ITGB6: variants seen among roughly 807,000 people sequenced by gnomAD.
The protein encoded by ITGB6 is integrin subunit beta 6, also known as integrin beta-6.
A neutral mutation model predicts 84.5 loss-of-function variants in ITGB6; 80 were observed. The observed-to-expected ratio is 0.95, with a 90% CI of 0.79 to 1.14. The LOEUF (loss-of-function observed/expected upper bound fraction) is 1.14, where lower values mean the gene tolerates loss of function less well. ITGB6 is among the 50% of genes most tolerant of loss of function. ITGB6 has a pLI of 0.00. For synonymous variants in ITGB6, 383 were observed against 354.9 expected (o/e 1.08, Z -0.89); for missense variants, 1,006 against 968.0 (o/e 1.04, Z -0.52).
Position 160,195,571 on chromosome 2 carries a change from A to T in ITGB6, c.391T>A (p.Tyr131Asn). Residue 131 changes from tyrosine (Y) to asparagine (N), a missense_variant, in exon 4 of 15, where the codon TAC (tyrosine) becomes AAC (asparagine). By Grantham distance (143) the Tyr-to-Asn change is moderately radical. Transcript: ENST00000283249. ...ATGAGGTAATACAAATCCACCGGGTAGTCCTCAGTCTGGCGGACATGCACC... is the reference window on the plus strand; with the variant it reads ...ATGAGGTAATACAAATCCACCGGGTTGTCCTCAGTCTGGCGGACATGCACC... ...LQVHVRQTED[Y>N]PVDLYYLMDL... 6.2e-7 allele frequency: 1 copy of T among 1,614,156 alleles called. No homozygotes were observed. Among genetic ancestry groups the T allele is most frequent in the South Asian group, 1.1e-5 (1 of 91,076 alleles).
chr2:160,135,032 A>G (rs1683645123), intron 10 of ITGB6, among the ~76,000 whole-genome samples: 1 of 152,210 alleles, frequency 6.6e-6, no homozygotes, highest in Non-Finnish European at 1.5e-5. Flanking sequence ...CCTGTTCAAC[A>G]TAGTGTTGGA....
At chr2:160,141,578 A>G (rs1684002160) in intron 8 of ITGB6, among the ~76,000 whole-genome samples, 1 of 152,190 alleles carries the variant, frequency 6.6e-6, no homozygotes, top group South Asian at 2.1e-4. Context: ...TGCTTGAGTT[A>G]TGACCTAGTA....
rs920657730 is a variant in ITGB6, at chr2:160,123,832, T to C, written c.1940A>G (p.Asp647Gly). The part of the protein sequence containing the change: ...AAGQAREECV[D>G]KCKLAGATIS... ...GGTCGCACCAGCTAGTTTGCACTTG[T>C]CCACACATTCTTCTCGGGCTTGGCC... The change falls in exon 12 of 15, where the codon GAC (aspartate) becomes GGC (glycine). Residue 647 changes from aspartate (D) to glycine (G), a missense_variant. Coordinates refer to ENST00000283249, the MANE Select transcript of ITGB6 (RefSeq NM_000888.5). 6 of 1,613,952 alleles carry C rather than the reference T, an allele frequency of 3.7e-6. No homozygotes were observed. The highest frequency in any genetic ancestry group is 1.3e-5 in the African/African-American group (1 of 74,940).
chr2:160,119,726 G>A (rs1185412250), intron 12 of ITGB6, among the ~76,000 whole-genome samples: 1 of 152,180 alleles, frequency 6.6e-6, no homozygotes, highest in African/African-American at 2.4e-5. Flanking sequence ...AGAATGAACA[G>A]GCAACCTACA....
Position 160,137,853 on chromosome 2 carries a change from T to C in ITGB6, c.1243-2A>G. The C allele has an allele frequency of 6.2e-7, 1 of 1,612,078 alleles. No homozygotes were observed. The highest frequency in any genetic ancestry group is 1.3e-5 in the African/African-American group (1 of 74,990). Reference sequence around the variant, plus strand: ...ATTCACAGTCACGCTGAAGGAAGCCTGGAAAAGAAAATACTAATTATCTCC... The same window carrying C: ...ATTCACAGTCACGCTGAAGGAAGCCCGGAAAAGAAAATACTAATTATCTCC... On this transcript the variant is annotated splice_acceptor_variant, in intron 9 of 14. Coordinates refer to ENST00000283249, the MANE Select transcript of ITGB6 (RefSeq NM_000888.5). LOFTEE classifies it high-confidence loss of function.
At chr2:160,108,152 G>A (rs1225076497) in intron 13 of ITGB6, among the ~76,000 whole-genome samples, 1 of 151,446 alleles carries the variant, frequency 6.6e-6, no homozygotes, top group Non-Finnish European at 1.5e-5. Context: ...AAAGGATTAA[G>A]AAAAAGACTA....
intron 7 of ITGB6, among the ~76,000 whole-genome samples, chr2:160,152,162 C>G (rs534010530): frequency 6.6e-6 from 1 of 152,260 alleles, no homozygotes; most frequent in Admixed American, 6.5e-5. Context: ...AATTTTAGAC[C>G]AATATCTCTG....
Position 160,195,488 on chromosome 2 carries a change from C to G in ITGB6, c.474G>C (p.Arg158=), listed in dbSNP as rs1461645873. The G allele has an allele frequency of 6.2e-7, 1 of 1,614,042 alleles. No homozygotes were observed. Among genetic ancestry groups the G allele is most frequent in the Admixed American group, 1.7e-5 (1 of 60,010 alleles). Residue 158 remains arginine, a synonymous_variant, in exon 4 of 15, where the codon CGG becomes CGC. Transcript: ENST00000283249. Reference sequence around the variant, plus strand: ...TTAATTTAGACATCTCTTTGGAAAGCCGGGAGCCCAGCTCCTTTATTGTGT... The same window carrying G: ...TTAATTTAGACATCTCTTTGGAAAGGCGGGAGCCCAGCTCCTTTATTGTGT... ...DLNTIKELGS[R]LSKEMSKLTS...
intron 6 of ITGB6, among the ~76,000 whole-genome samples, chr2:160,172,089 A>G (rs1486500207): frequency 1.3e-5 from 2 of 152,200 alleles, no homozygotes; most frequent in Non-Finnish European, 2.9e-5. Context: ...TTTGAATGTC[A>G]CTAGCATTTT....
intron 7 of ITGB6, among the ~76,000 whole-genome samples, chr2:160,155,729 C>G (rs1442116848): frequency 1.3e-5 from 2 of 152,098 alleles, no homozygotes; most frequent in Non-Finnish European, 2.9e-5. Flanking sequence ...AGCATGTAAC[C>G]AAGGACATGG....
At chr2:160,145,049 A>C (rs556378130) in intron 7 of ITGB6, among the ~76,000 whole-genome samples, 1 of 152,334 alleles carries the variant, frequency 6.6e-6, no homozygotes, top group East Asian at 1.9e-4. Flanking sequence ...TAGTATTATG[A>C]TTACTGTAAA....
At chr2:160,117,007 C>A (rs1682806954) in intron 12 of ITGB6, among the ~76,000 whole-genome samples, 1 of 151,380 alleles carries the variant, frequency 6.6e-6, no homozygotes, top group African/African-American at 2.4e-5. Context: ...CACCCAGATT[C>A]ATAAAGCAAG....
At chr2:160,151,188 A>T (rs956812697) in intron 7 of ITGB6, among the ~76,000 whole-genome samples, 1 of 152,140 alleles carries the variant, frequency 6.6e-6, no homozygotes, top group African/African-American at 2.4e-5. Flanking sequence ...TGACCACATA[A>T]TTGGAAGTAA....
chr2:160,183,499 A>T (rs2105883493), intron 4 of ITGB6, among the ~76,000 whole-genome samples: 1 of 152,338 alleles, frequency 6.6e-6, no homozygotes, highest in East Asian at 1.9e-4. Flanking sequence ...GCAAGTCCTT[A>T]GATACCTACA....
At chr2:160,191,212 A>C (rs759863943) in intron 4 of ITGB6, among the ~76,000 whole-genome samples, 6 of 152,180 alleles carry the variant, frequency 3.9e-5, no homozygotes, top group African/African-American at 1.4e-4. Flanking sequence ...AGAATTTTTG[A>C]GGGTATAAGT....
rs773222911 is a variant in ITGB6, at chr2:160,112,215, TC to T, written c.1982-17del. On this transcript the variant is annotated splice_polypyrimidine_tract_variant and intron_variant, in intron 12 of 14. Transcript: ENST00000283249. ...TTTGAGAAATCTGCAGATAAAGGAG[TC>T]ATTCATTAGGTTAAACAAGATTCCA... is the stretch of plus-strand genomic sequence containing the variant. 1 of 1,576,974 alleles carries T rather than the reference TC, an allele frequency of 6.3e-7. No individual in the cohort carries two copies. The highest frequency in any genetic ancestry group is 8.6e-7 in the Non-Finnish European group (1 of 1,161,166).
intron 4 of ITGB6, among the ~76,000 whole-genome samples, chr2:160,189,098 G>T (rs1186982990): frequency 6.6e-6 from 1 of 152,108 alleles, no homozygotes; most frequent in Non-Finnish European, 1.5e-5. Flanking sequence ...AATAAGAAAT[G>T]GGGAAAGGAT....
chr2:160,154,046 C>G (rs901384430), intron 7 of ITGB6, among the ~76,000 whole-genome samples: 6 of 152,178 alleles, frequency 3.9e-5, no homozygotes, highest in Admixed American at 3.3e-4. Flanking sequence ...GGATCTAGAA[C>G]TAGAAGTGCC....
chr2:160,131,643 A>G (rs1169339864), intron 10 of ITGB6, among the ~76,000 whole-genome samples: 1 of 152,208 alleles, frequency 6.6e-6, no homozygotes, highest in Non-Finnish European at 1.5e-5. Flanking sequence ...AAGAAAAGTT[A>G]CTAATTATAG....
Sources: gnomAD v4.1 joint callset for allele counts (sites outside exome capture counted in the v4.1 genomes callset) on GRCh38, gnomAD v4.1.1 for gene constraint, MANE v1.5 for transcripts, NCBI Gene and HGNC (gene_info 2026-07-23, HGNC 2026-07-21) for gene names.